Variants in HBP1 observed in about 807,000 individuals in gnomAD.
HBP1 encodes HMG-box transcription factor 1, also known as HMG box-containing protein 1.
A neutral mutation model predicts 62.6 loss-of-function variants in HBP1; 20 were observed. That is an observed-to-expected ratio of 0.32 (90% CI 0.22 to 0.46). The LOEUF is 0.46. HBP1 is among the 20% of genes least tolerant of loss of function. The pLI is 1.00. For synonymous variants in HBP1, 232 were observed against 206.2 expected (o/e 1.12, Z -1.07); for missense variants, 480 against 611.8 (o/e 0.78, Z 2.27).
intron 2 of HBP1, 99 bp downstream of exon 2, chr7:107,180,161 A>T: frequency 1.6e-6 from 1 of 635,636 alleles, no homozygotes. Context: ...CTAGAAAGGG[A>T]TATGAAGTAT....
chr7:107,170,378 G>A (rs558204406), intron 1 of HBP1, among the ~76,000 whole-genome samples: 1 of 152,096 alleles, frequency 6.6e-6, no homozygotes, highest in South Asian at 2.1e-4. Flanking sequence ...TACTTTTCTG[G>A]TCATTTAACA....
chr7:107,178,062 T>C (rs777430162), intron 1 of HBP1, among the ~76,000 whole-genome samples: 11 of 152,346 alleles, frequency 7.2e-5, no homozygotes, highest in Non-Finnish European at 1.3e-4. Context: ...CAGCCTGCAC[T>C]GGGTGCTTGA....
At chr7:107,172,382 C>T (rs1388093519) in intron 1 of HBP1, among the ~76,000 whole-genome samples, 1 of 151,778 alleles carries the variant, frequency 6.6e-6, no homozygotes, top group Non-Finnish European at 1.5e-5. Context: ...CTCAGTGAAC[C>T]ACATTATGGA....
intron 8 of HBP1, among the ~76,000 whole-genome samples, chr7:107,195,071 C>T (rs1229895838): frequency 1.3e-5 from 2 of 152,190 alleles, no homozygotes; most frequent in Non-Finnish European, 2.9e-5. Context: ...GACGGAGTCT[C>T]ACTCTGTTGC....
intron 1 of HBP1, 87 bp from the exon 2 acceptor site, chr7:107,179,792 T>C (rs1797025897): frequency 1.2e-6 from 1 of 809,046 alleles, no homozygotes; most frequent in Non-Finnish European, 2.0e-6. Context: ...CAAAACAACA[T>C]TGTCATGTCT....
intron 1 of HBP1, among the ~76,000 whole-genome samples, chr7:107,175,919 T>C (rs568599032): frequency 6.6e-6 from 1 of 152,046 alleles, no homozygotes; most frequent in East Asian, 1.9e-4. Context: ...GGTTTCACCA[T>C]GTTAGCCAGG....
intron 1 of HBP1, among the ~76,000 whole-genome samples, chr7:107,173,809 C>T (rs1445369622): frequency 6.6e-6 from 1 of 152,122 alleles, no homozygotes; most frequent in Non-Finnish European, 1.5e-5. Flanking sequence ...TCACTGATCT[C>T]GTGAAGAGAT....
At chr7:107,192,343 T>C (rs192902546) in intron 8 of HBP1, among the ~76,000 whole-genome samples, 3 of 152,172 alleles carry the variant, frequency 2.0e-5, no homozygotes, top group South Asian at 4.2e-4. Context: ...TTTGAAAGGA[T>C]AGCAGTCATT....
intron 2 of HBP1, among the ~76,000 whole-genome samples, chr7:107,180,959 C>T (rs1797076408): frequency 6.6e-6 from 1 of 152,048 alleles, no homozygotes. Context: ...CCTATGACTT[C>T]GTTTAAAAAG....
intron 6 of HBP1, 90 bp from the exon 7 acceptor site, chr7:107,189,202 C>T: frequency 1.4e-5 from 16 of 1,103,746 alleles, no homozygotes; most frequent in East Asian, 2.5e-5. Flanking sequence ...TTATTTTTAC[C>T]TTTTCCACAA....
chr7:107,200,083 T>C lies in HBP1; in HGVS notation c.1386-77T>C, dbSNP rs560251911. On this transcript the variant is annotated intron_variant, in intron 9 of 10. Coordinates refer to ENST00000222574, the MANE Select transcript of HBP1 (RefSeq NM_012257.4). ...CATCTTTTTTAACTTCACATTTTTCTCCTGAAGTAGCAGCACTTGACATGA... is the reference window on the plus strand; with the variant it reads ...CATCTTTTTTAACTTCACATTTTTCCCCTGAAGTAGCAGCACTTGACATGA... 1,019 of 1,176,368 alleles carry C rather than the reference T, an allele frequency of 8.7e-4. 1 individual carries two copies. The highest frequency in any genetic ancestry group is 1.1e-3 in the Non-Finnish European group (964 of 853,338). The allele number at this position is 1,176,368 out of a possible 1,614,324, so 72.9% of individuals were successfully genotyped here. A position where few individuals can be genotyped will look rare whatever the true frequency, so the allele number is the denominator to read the frequency against.
At chr7:107,195,005 A>G (rs899495631) in intron 8 of HBP1, among the ~76,000 whole-genome samples, 9 of 152,188 alleles carry the variant, frequency 5.9e-5, no homozygotes, top group African/African-American at 1.2e-4. Context: ...ACCTAAACAA[A>G]TGACCCAGAT....
At chr7:107,199,370 C>T (rs886169840) in intron 9 of HBP1, among the ~76,000 whole-genome samples, 3 of 152,202 alleles carry the variant, frequency 2.0e-5, no homozygotes, top group African/African-American at 7.2e-5. Context: ...GCATGAGTCA[C>T]AACGTCCAGC....
chr7:107,199,916 G>A (rs778540584), intron 9 of HBP1, among the ~76,000 whole-genome samples: 10 of 152,158 alleles, frequency 6.6e-5, no homozygotes, highest in Non-Finnish European at 1.0e-4. Context: ...GATAGGTTAC[G>A]GGCACAAATA....
At chr7:107,187,336 C>T (rs1408458132) in intron 6 of HBP1, among the ~76,000 whole-genome samples, 1 of 151,976 alleles carries the variant, frequency 6.6e-6, no homozygotes, top group Non-Finnish European at 1.5e-5. Context: ...GATTAATTCC[C>T]CTGTAGATTA....
At chr7:107,196,704 C>T in intron 9 of HBP1, 1 of 172,600 alleles carries the variant, frequency 5.8e-6, no homozygotes, top group Non-Finnish European at 1.3e-5. Flanking sequence ...GCCCAGGCTG[C>T]AGTACAGCGG....
chr7:107,190,616 G>A (rs1301382092), intron 8 of HBP1, among the ~76,000 whole-genome samples: 4 of 151,782 alleles, frequency 2.6e-5, no homozygotes, highest in African/African-American at 4.9e-5. Flanking sequence ...AGCTTTGATA[G>A]TTACATTTAA....
intron 8 of HBP1, among the ~76,000 whole-genome samples, chr7:107,191,603 A>G (rs535478663): frequency 6.3e-4 from 96 of 152,338 alleles, no homozygotes; most frequent in Admixed American, 1.2e-3. Context: ...AATACTTATT[A>G]ACTGGAGAGT....
chr7:107,177,295 C>G (rs890765452), intron 1 of HBP1, among the ~76,000 whole-genome samples: 1 of 152,198 alleles, frequency 6.6e-6, no homozygotes, highest in African/African-American at 2.4e-5. Flanking sequence ...AAACCCGTTT[C>G]CTTACATCTA....
Sources: allele counts gnomAD v4.1 joint callset (sites outside exome capture counted in the v4.1 genomes callset), GRCh38; gene constraint gnomAD v4.1.1; transcripts MANE v1.5; gene names NCBI Gene and HGNC (gene_info 2026-07-23, HGNC 2026-07-21).